The following BCR variants were observed in gnomAD, a reference collection of about 807,000 sequenced individuals.
BCR encodes breakpoint cluster region protein.
Under a neutral mutation model 138.6 loss-of-function variants are expected in BCR, and 58 were observed. The observed-to-expected ratio is 0.42, with a 90% CI of 0.34 to 0.52. BCR has a LOEUF of 0.52. Among genes scored for constraint, BCR ranks in the 20% least tolerant of loss-of-function variants. BCR has a pLI of 0.06. For missense variants in BCR, 1,599 were observed against 1,727.2 expected (o/e 0.93, Z 1.32); for synonymous variants, 786 against 730.1 (o/e 1.08, Z -1.23).
chr22:23,255,602 C>T (rs151226089), intron 2 of BCR, among the ~76,000 whole-genome samples: 3 of 152,342 alleles, frequency 2.0e-5, no homozygotes, highest in African/African-American at 7.2e-5. Flanking sequence ...TGCACCCAGC[C>T]AGTCCTTGAT....
At chr22:23,204,675 A>G (rs2072592034) in intron 1 of BCR, among the ~76,000 whole-genome samples, 2 of 152,062 alleles carry the variant, frequency 1.3e-5, no homozygotes, top group African/African-American at 4.8e-5. Flanking sequence ...GTCCTCCCTT[A>G]CTGCCCACTG....
At chr22:23,272,611 G>A (rs1265039942) in intron 6 of BCR, among the ~76,000 whole-genome samples, 3 of 152,128 alleles carry the variant, frequency 2.0e-5, no homozygotes, top group African/African-American at 7.2e-5. Context: ...GTCAAACCAA[G>A]AGTTGTATTG....
chr22:23,281,185 C>T (rs780386990), intron 8 of BCR, among the ~76,000 whole-genome samples: 42 of 152,212 alleles, frequency 2.8e-4, no homozygotes, highest in Non-Finnish European at 1.3e-4. Flanking sequence ...TCCCATGGCC[C>T]CGGGGAGCCA....
rs576565146 is a variant in BCR, at chr22:23,284,242, A to G, written c.2237+144A>G. 4 of 1,296,042 alleles carry G rather than the reference A, an allele frequency of 3.1e-6. No homozygotes were observed. In the East Asian group the frequency reaches 1.0e-4, roughly 33 times the overall value. The allele number at this position is 1,296,042 out of a possible 1,614,324, so 80.3% of individuals were successfully genotyped here. ...TGGGCACAATGCCAGGCTCCAGGTT[A>G]AAGATTGTCACTAGCAATCTGGAGA... is the stretch of plus-strand genomic sequence containing the variant. On this transcript the variant is annotated intron_variant, in intron 9 of 22. Transcript: ENST00000305877.
intron 14 of BCR, chr22:23,290,822 C>T (rs2073777806): frequency 4.5e-6 from 1 of 221,978 alleles, no homozygotes; most frequent in South Asian, 7.7e-5. Flanking sequence ...ATGGATACTA[C>T]TTTTTTTTTC....
chr22:23,268,502 C>T lies in BCR; in HGVS notation c.1847C>T (p.Ala616Val). The T allele has an allele frequency of 6.2e-7, 1 of 1,613,604 alleles. No homozygotes were observed. Among genetic ancestry groups the T allele is most frequent in the Non-Finnish European group, 8.5e-7 (1 of 1,179,710 alleles). Reference protein sequence around the residue: ...EKCCQANAQFAEISENLRARS... With the variant: ...EKCCQANAQFVEISENLRARS... ...TGCTGTCAGGCCAATGCTCAGTTTG[C>T]AGAAATCTCCGAGGTAATGCCTTGA... The change falls in exon 5 of 23, where the codon GCA becomes GTA. Residue 616 changes from alanine (A) to valine (V), a missense_variant. By Grantham distance (64) the Ala-to-Val change is moderately conservative (BLOSUM62 0). Coordinates refer to ENST00000305877, the MANE Select transcript of BCR (RefSeq NM_004327.4).
intron 8 of BCR, among the ~76,000 whole-genome samples, chr22:23,277,439 C>G (rs2073591027): frequency 1.3e-5 from 2 of 152,234 alleles, no homozygotes; most frequent in South Asian, 4.1e-4. Flanking sequence ...CACCCCTCCT[C>G]TTGTTCCTGC....
chr22:23,258,695 TAG>T (rs2073323259), intron 2 of BCR, among the ~76,000 whole-genome samples: 1 of 152,046 alleles, frequency 6.6e-6, no homozygotes, highest in South Asian at 2.1e-4. Flanking sequence ...TCACATACGA[TAG>T]GTAGAGGCAA....
At chr22:23,192,328 T>C (rs2072426440) in intron 1 of BCR, among the ~76,000 whole-genome samples, 1 of 152,132 alleles carries the variant, frequency 6.6e-6, no homozygotes, top group Non-Finnish European at 1.5e-5. Flanking sequence ...AGTGGTTGTG[T>C]TAATCACATG....
At chr22:23,291,532 C>CCTGCATCT (rs1416500727) in intron 14 of BCR, among the ~76,000 whole-genome samples, 65 of 152,182 alleles carry the variant, frequency 4.3e-4, no homozygotes, top group African/African-American at 1.4e-3. Context: ...TCCCTGCATC[C>CCTGCATCT]CTGCATCTCC....
In BCR at chr22:23,271,641, C is replaced by T; in HGVS notation, c.1921+49C>T. On this transcript the variant is annotated intron_variant, in intron 6 of 22. Coordinates refer to ENST00000305877, the MANE Select transcript of BCR (RefSeq NM_004327.4). Reference sequence around the variant, plus strand: ...CTGTGTGCCCTCGTCAGGGAGGCTGCTGCTGGCAGAGGGGGCGTTGTGGAA... The same window carrying T: ...CTGTGTGCCCTCGTCAGGGAGGCTGTTGCTGGCAGAGGGGGCGTTGTGGAA... The T allele has an allele frequency of 1.9e-6, 3 of 1,584,140 alleles. No homozygotes were observed. The East Asian group carries it at 6.7e-5, about 35-fold the overall frequency.
chr22:23,258,894 G>A (rs901899516), intron 2 of BCR, among the ~76,000 whole-genome samples: 1 of 152,224 alleles, frequency 6.6e-6, no homozygotes, highest in Admixed American at 6.5e-5. Context: ...AGCAACCAGT[G>A]GAGAAGTGGA....
At chr22:23,189,844 C>T (rs4820542) in intron 1 of BCR, among the ~76,000 whole-genome samples, 38,749 of 152,086 alleles carry the variant, frequency 0.25, 5,124 homozygotes, top group East Asian at 0.35. Context: ...AGCTCTGATC[C>T]GTCACAAGGG....
At chr22:23,283,940 A>C (rs369322409) in intron 8 of BCR, 37 bp from the exon 9 acceptor site, 263 of 1,551,784 alleles carry the variant, frequency 1.7e-4, no homozygotes, top group Non-Finnish European at 2.2e-4. Context: ...CCATCACCCC[A>C]GGCTGGCCCT....
At chr22:23,289,820 G>GAGAAA in intron 13 of BCR, 199 bp downstream of exon 13, 1 of 594,222 alleles carries the variant, frequency 1.7e-6, no homozygotes. Flanking sequence ...TCCCTGAGTG[G>GAGAAA]CTGCTGCTGG....
At chr22:23,277,418 T>C (rs1165340923) in intron 8 of BCR, among the ~76,000 whole-genome samples, 2 of 152,160 alleles carry the variant, frequency 1.3e-5, no homozygotes, top group African/African-American at 4.8e-5. Context: ...TGTGAGCCGA[T>C]AGGACGTTTC....
chr22:23,184,281 G>A (rs2072310318), intron 1 of BCR, among the ~76,000 whole-genome samples: 1 of 151,588 alleles, frequency 6.6e-6, no homozygotes, highest in South Asian at 2.1e-4. Flanking sequence ...TGTAAATACA[G>A]GGTCTTGCTG....
In BCR at chr22:23,261,429, C is replaced by T. The variant is rs757543573; in HGVS notation, c.1641C>T (p.Phe547=). 57 of 1,613,624 alleles carry T rather than the reference C, an allele frequency of 3.5e-5. No individual in the cohort carries two copies. The highest frequency in any genetic ancestry group is 4.8e-5 in the Non-Finnish European group (57 of 1,179,952). The change falls in exon 4 of 23, where the codon TTC becomes TTT. Residue 547 remains phenylalanine (F), a synonymous_variant. Coordinates refer to ENST00000305877, the MANE Select transcript of BCR (RefSeq NM_004327.4). The part of the protein sequence containing the change: ...VLTSQQIETI[F]FKVPELYEIH... Reference sequence around the variant, plus strand: ...CGAGTCAGCAGATCGAGACCATCTTCTTCAAAGTGCCTGAGCTCTACGAGA... The same window carrying T: ...CGAGTCAGCAGATCGAGACCATCTTTTTCAAAGTGCCTGAGCTCTACGAGA...
intron 17 of BCR, chr22:23,309,717 A>G (rs111277411): frequency 0.18 from 101,516 of 552,974 alleles, 9,610 homozygotes; most frequent in Non-Finnish European, 0.22. Context: ...CAAAGGTCTC[A>G]TGGCACCACC....
Sources: gnomAD v4.1 joint callset for allele counts (sites outside exome capture counted in the v4.1 genomes callset) on GRCh38, gnomAD v4.1.1 for gene constraint, MANE v1.5 for transcripts, NCBI Gene and HGNC (gene_info 2026-07-23, HGNC 2026-07-21) for gene names.